TANC2: variants seen among roughly 807,000 people sequenced by gnomAD.
TANC2 encodes the protein tetratricopeptide repeat, ankyrin repeat and coiled-coil containing 2.
Under a neutral mutation model 210.5 loss-of-function variants are expected in TANC2, and 26 were observed. The ratio of observed to expected loss-of-function variants is 0.12; its 90% CI spans 0.09 to 0.17. The LOEUF is 0.17. Ranked by LOEUF, TANC2 falls within the 10% of genes least tolerant of loss-of-function variation. The pLI is 1.00. For synonymous variants in TANC2, 931 were observed against 967.1 expected (o/e 0.96, Z 0.69); for missense variants, 2,129 against 2,608.9 (o/e 0.82, Z 4.01).
At chr17:63,411,558 T>C in exon 22 of TANC2, 1 of 1,613,942 alleles carries the variant, frequency 6.2e-7, no homozygotes, top group Non-Finnish European at 8.5e-7. Context: ...AGCCCTCAGC[T>C]GGGCTTGTTT....
At chr17:63,153,290 T>C (rs1429338038) in intron 5 of TANC2, 1 of 152,194 alleles carries the variant, frequency 6.6e-6, no homozygotes. Context: ...TAGGATATAC[T>C]AACACCACTG....
intron 7 of TANC2, among the ~76,000 whole-genome samples, chr17:63,226,822 C>T (rs942174482): frequency 9.2e-5 from 14 of 152,158 alleles, no homozygotes; most frequent in Middle Eastern, 3.4e-3. Flanking sequence ...CTCATTGTTC[C>T]ACTCCCACTT....
intron 4 of TANC2, among the ~76,000 whole-genome samples, chr17:63,111,240 G>A (rs534830337): frequency 4.2e-4 from 64 of 152,244 alleles, no homozygotes; most frequent in African/African-American, 1.4e-3. Context: ...GCTTGAACCC[G>A]AGAGGTGGAG....
chr17:63,405,045 A>G, intron 19 of TANC2, 77 bp from the exon 20 acceptor site: 1 of 1,388,780 alleles, frequency 7.2e-7, no homozygotes. Flanking sequence ...ATGAAACACA[A>G]GGATATGTCA....
At chr17:63,114,638 A>T (rs1245514326) in intron 4 of TANC2, among the ~76,000 whole-genome samples, 1 of 152,188 alleles carries the variant, frequency 6.6e-6, no homozygotes, top group Non-Finnish European at 1.5e-5. Flanking sequence ...TTTCGTATGT[A>T]CATCTCTTCA....
At chr17:63,163,202 A>C (rs2040086979) in intron 5 of TANC2, among the ~76,000 whole-genome samples, 1 of 152,128 alleles carries the variant, frequency 6.6e-6, no homozygotes. Context: ...ATGAGCTAGA[A>C]ATATCAAGTG....
intron 1 of TANC2, among the ~76,000 whole-genome samples, chr17:62,989,556 G>C (rs1466479147): frequency 1.3e-5 from 2 of 152,130 alleles, no homozygotes; most frequent in African/African-American, 4.8e-5. Flanking sequence ...TGTGCTTGGA[G>C]AAACCAAGGG....
chr17:63,167,746 A>G (rs2040258658), intron 5 of TANC2, among the ~76,000 whole-genome samples: 1 of 151,966 alleles, frequency 6.6e-6, no homozygotes. Context: ...CAGGCCTGGC[A>G]CAGTGGCTCA....
At chr17:63,175,248 C>T (rs1346853300) in intron 5 of TANC2, among the ~76,000 whole-genome samples, 1 of 152,108 alleles carries the variant, frequency 6.6e-6, no homozygotes, top group Non-Finnish European at 1.5e-5. Flanking sequence ...GAGAAATGGA[C>T]ATTGACCCTT....
intron 12 of TANC2, among the ~76,000 whole-genome samples, chr17:63,348,762 T>G (rs1308821284): frequency 6.6e-6 from 1 of 152,178 alleles, no homozygotes; most frequent in African/African-American, 2.4e-5. Flanking sequence ...AGCTACTGAT[T>G]TAAAGTACTA....
At chr17:63,014,629 A>C (rs572063094) in intron 2 of TANC2, among the ~76,000 whole-genome samples, 1 of 152,214 alleles carries the variant, frequency 6.6e-6, no homozygotes, top group Non-Finnish European at 1.5e-5. Context: ...TTTAGTGGTC[A>C]ATTCATACTA....
At chr17:63,067,161 C>A (rs1038837542) in intron 2 of TANC2, among the ~76,000 whole-genome samples, 2 of 152,028 alleles carry the variant, frequency 1.3e-5, no homozygotes, top group African/African-American at 4.8e-5. Flanking sequence ...TCATAATGTC[C>A]GGATGCAACC....
intron 10 of TANC2, among the ~76,000 whole-genome samples, chr17:63,315,550 AG>A (rs1278341322): frequency 6.6e-6 from 1 of 152,246 alleles, no homozygotes; most frequent in Non-Finnish European, 1.5e-5. Context: ...CTACATGTAT[AG>A]AACCAGTTTA....
At chr17:63,128,105 T>C (rs1349976418) in intron 4 of TANC2, among the ~76,000 whole-genome samples, 4 of 152,146 alleles carry the variant, frequency 2.6e-5, no homozygotes, top group Non-Finnish European at 5.9e-5. Flanking sequence ...AAAGCACCTA[T>C]AAAAGAGTTT....
intron 13 of TANC2, among the ~76,000 whole-genome samples, chr17:63,352,652 G>A (rs542444792): frequency 2.0e-5 from 3 of 152,128 alleles, no homozygotes; most frequent in East Asian, 3.9e-4. Flanking sequence ...TTGTGTTTCC[G>A]GATAGAGTAG....
intron 9 of TANC2, among the ~76,000 whole-genome samples, chr17:63,298,531 G>A (rs2044608033): frequency 6.6e-6 from 1 of 152,148 alleles, no homozygotes; most frequent in South Asian, 2.1e-4. Context: ...TGGGAAGGGA[G>A]CAATGGAGAA....
intron 9 of TANC2, among the ~76,000 whole-genome samples, chr17:63,288,143 G>T (rs2044280889): frequency 6.6e-6 from 1 of 152,124 alleles, no homozygotes; most frequent in African/African-American, 2.4e-5. Context: ...TTTCTCAAGG[G>T]TTAATTTCCA....
In TANC2 at chr17:62,979,024, G is replaced by A. The variant is rs184464383; in HGVS notation, c.-24+12275G>A. Among the ~76,000 whole-genome samples the A allele has an allele frequency of 3.3e-5, 5 of 152,104 alleles. No homozygotes were observed. The East Asian group carries it at 9.7e-4, about 29-fold the overall frequency. ...TGTCTTTTATCTTGATTAGTGAAAG[G>A]TATTTTGACCAGACATAGTATTCAT... On this transcript the variant is annotated intron_variant, in intron 1 of 27. Coordinates refer to ENST00000689528, the Ensembl canonical transcript of TANC2.
intron 1 of TANC2, among the ~76,000 whole-genome samples, chr17:63,000,640 T>C (rs1048000227): frequency 6.6e-6 from 1 of 152,184 alleles, no homozygotes; most frequent in Non-Finnish European, 1.5e-5. Flanking sequence ...GGCCTGTCAA[T>C]GGCTTGTTAT....
Sources: allele counts gnomAD v4.1 joint callset (sites outside exome capture counted in the v4.1 genomes callset), GRCh38; gene constraint gnomAD v4.1.1; transcripts MANE v1.5; gene names NCBI Gene and HGNC (gene_info 2026-07-23, HGNC 2026-07-21).